RNF34: variants seen among roughly 807,000 people sequenced by gnomAD.
RNF34 encodes the protein E3 ubiquitin-protein ligase RNF34.
RNF34 carries 12 observed loss-of-function variants against 37.9 expected under a neutral mutation model. The observed-to-expected ratio is 0.32, with a 90% CI of 0.20 to 0.51. The LOEUF is 0.51. Among genes scored for constraint, RNF34 ranks in the 20% least tolerant of loss-of-function variants. The pLI, the probability that RNF34 is intolerant of heterozygous loss-of-function variation, is 0.97. For missense variants in RNF34, 362 were observed against 472.7 expected, an observed-to-expected ratio of 0.77 and a Z score of 2.17; for synonymous variants, 155 against 177.2, an observed-to-expected ratio of 0.87 and a Z score of 1.00.
intron 1 of RNF34, among the ~76,000 whole-genome samples, chr12:121,406,512 C>T (rs1870552190): frequency 6.6e-6 from 1 of 152,146 alleles, no homozygotes; most frequent in South Asian, 2.1e-4. Context: ...GTCTCGAACT[C>T]CTGAGCTCAA....
intron 1 of RNF34, 95 bp downstream of exon 1, chr12:121,400,313 C>A: frequency 7.0e-7 from 1 of 1,433,174 alleles, no homozygotes; most frequent in Middle Eastern, 1.8e-4. Context: ...TAGCGGTTAC[C>A]TAGTCGTCAT....
At chr12:121,402,894 C>A in intron 1 of RNF34, 1 of 1,028,642 alleles carries the variant, frequency 9.7e-7, no homozygotes, top group Non-Finnish European at 1.5e-6. Context: ...TTTTAGAGTT[C>A]ATCATCTGTT....
Position 121,423,834 on chromosome 12 carries a change from G to C in RNF34, c.*258G>C, listed in dbSNP as rs1355989416. 2 of 409,798 alleles carry C rather than the reference G, an allele frequency of 4.9e-6. No homozygotes were observed. Among genetic ancestry groups the C allele is most frequent in the African/African-American group, 4.1e-5 (2 of 49,100 alleles). 25.4% of individuals were successfully genotyped at this position (409,798 alleles called of 1,614,324 possible). A position where few individuals can be genotyped will look rare whatever the true frequency, so the allele number is the denominator to read the frequency against. Reference sequence around the variant, plus strand: ...ATCCCGTGAACACTCATTGAAGTCAGCCTGTTTGCGCCATGTGGGCATCAG... The same window carrying C: ...ATCCCGTGAACACTCATTGAAGTCACCCTGTTTGCGCCATGTGGGCATCAG... On this transcript the variant is annotated 3_prime_UTR_variant, in exon 6 of 6. Transcript: ENST00000361234. This position sits in a 1 kb window ranked among gnomAD's most constrained non-coding sequence, Gnocchi z 4.3.
At chr12:121,414,960 G>T (rs1014054483) in intron 1 of RNF34, among the ~76,000 whole-genome samples, 1 of 152,218 alleles carries the variant, frequency 6.6e-6, no homozygotes, top group Admixed American at 6.5e-5. Flanking sequence ...GCTGGGCATG[G>T]TGGCGGATGC....
At chr12:121,400,286 CT>C in intron 1 of RNF34, 68 bp downstream of exon 1, 1 of 1,563,772 alleles carries the variant, frequency 6.4e-7, no homozygotes, top group Non-Finnish European at 8.7e-7. Flanking sequence ...CCTGAAGCGC[CT>C]CCTTTCTTTC....
chr12:121,420,914 A>C, intron 5 of RNF34, 136 bp downstream of exon 5: 1 of 661,062 alleles, frequency 1.5e-6, no homozygotes, highest in Non-Finnish European at 2.6e-6. Flanking sequence ...AGTTAGTTAC[A>C]TGAGCCTGTT....
rs1555282182 is a variant in RNF34, at chr12:121,416,236, G to T, written c.84G>T (p.Gln28His). Residue 28 changes from glutamine (Q) to histidine (H), a missense_variant, in exon 2 of 6, where the codon CAG becomes CAT. Transcript: ENST00000361234. ...EVMGTGAVRG[Q>H]QSAFAGATGP... ...TGGGAACTGGAGCTGTCAGGGGCCA[G>T]CAGTCAGCATTTGCAGGAGCCACCG... 2 of 1,614,132 alleles carry T rather than the reference G, an allele frequency of 1.2e-6. No individual in the cohort carries two copies. Among genetic ancestry groups the T allele is most frequent in the Non-Finnish European group, 1.7e-6 (2 of 1,180,008 alleles).
chr12:121,405,222 GTC>G (rs1870408251), intron 1 of RNF34: 1 of 152,212 alleles, frequency 6.6e-6, no homozygotes, highest in Non-Finnish European at 1.5e-5. Flanking sequence ...AACACTGTCA[GTC>G]TCTGCTATGG....
chr12:121,420,459 T>C, intron 4 of RNF34, 118 bp from the exon 5 acceptor site: 11 of 1,558,970 alleles, frequency 7.1e-6, no homozygotes, highest in Non-Finnish European at 9.6e-6. Flanking sequence ...GACAGTATAC[T>C]GAAACACTTC....
chr12:121,410,947 G>T (rs1252750101), intron 1 of RNF34, among the ~76,000 whole-genome samples: 1 of 152,078 alleles, frequency 6.6e-6, no homozygotes, highest in Non-Finnish European at 1.5e-5. Flanking sequence ...TTTGTTGTTT[G>T]TTTTTGAGAC....
chr12:121,408,726 A>T (rs782178088), intron 1 of RNF34, among the ~76,000 whole-genome samples: 2 of 152,210 alleles, frequency 1.3e-5, no homozygotes, highest in Non-Finnish European at 2.9e-5. Flanking sequence ...GTGAAGAAGG[A>T]CAAAAACACT....
chr12:121,419,285 G>T (rs1453137321), intron 3 of RNF34, among the ~76,000 whole-genome samples: 1 of 152,220 alleles, frequency 6.6e-6, no homozygotes, highest in African/African-American at 2.4e-5. Flanking sequence ...TATAGCCTAG[G>T]TGTGTAGCAG....
chr12:121,400,659 G>A (rs935340854), intron 1 of RNF34, among the ~76,000 whole-genome samples: 1 of 152,236 alleles, frequency 6.6e-6, no homozygotes, highest in Non-Finnish European at 1.5e-5. Context: ...GGGTGCAGGG[G>A]GTGGTGAGGC....
rs782102408 is a variant in RNF34, at chr12:121,400,253, G to A, written c.6+35G>A. 4.4e-6 allele frequency: 7 copies of A among 1,604,792 alleles called. No homozygotes were observed. In the South Asian group the frequency reaches 7.8e-5, roughly 18 times the overall value. On this transcript the variant is annotated intron_variant, in intron 1 of 5. Coordinates refer to ENST00000361234, the MANE Select transcript of RNF34 (RefSeq NM_025126.4). Reference sequence around the variant, plus strand: ...CGGTGGAGCCGGACAGACCCTCCTCGCCAATCCTATCCTGCCAGGGCACCT... The same window carrying A: ...CGGTGGAGCCGGACAGACCCTCCTCACCAATCCTATCCTGCCAGGGCACCT...
At chr12:121,422,798 G>A (rs560190992) in intron 5 of RNF34, among the ~76,000 whole-genome samples, 1 of 152,308 alleles carries the variant, frequency 6.6e-6, no homozygotes, top group South Asian at 2.1e-4. Flanking sequence ...GGTGGGCCAA[G>A]AGCCAGGACG....
At position 121,420,274 on chromosome 12, in the gene RNF34, AGATGATGATGACGACGATGATGAG is replaced by A. The variant is rs782027759; in HGVS notation, c.678_701del (p.Asp227_Asp234del). ...GTGAAATCACTTCAGCAAACACAGA[AGATGATGATGACGACGATGATGAG>A]GATGATGATGATGAAGAAGAAAACG... is the stretch of plus-strand genomic sequence containing the variant. On this transcript the variant is annotated inframe_deletion, in exon 4 of 6. Coordinates refer to ENST00000361234, the MANE Select transcript of RNF34 (RefSeq NM_025126.4). The A allele has an allele frequency of 1.9e-5, 31 of 1,604,258 alleles. No individual in the cohort carries two copies. The highest frequency in any genetic ancestry group is 1.9e-5 in the Non-Finnish European group (22 of 1,173,900).
chr12:121,417,635 G>C lies in RNF34; in HGVS notation c.357G>C (p.Lys119Asn). The change falls in exon 3 of 6, where the codon AAG (lysine) becomes AAC (asparagine). Residue 119 changes from lysine (K) to asparagine (N), a missense_variant. Physicochemically the swap from Lys to Asn is moderately conservative, Grantham distance 94 (BLOSUM62 0). Coordinates refer to ENST00000361234, the MANE Select transcript of RNF34 (RefSeq NM_025126.4). The surrounding 1 kb of genome is among the most constrained non-coding windows in gnomAD (Gnocchi z 5.0). ...AFQRPQLMRL[K>N]VKDLRQYLIL... Reference sequence around the variant, plus strand: ...AGCGCCCTCAGTTAATGCGACTGAAGGTGAAGGACCTGCGGCAGTATCTCA... The same window carrying C: ...AGCGCCCTCAGTTAATGCGACTGAACGTGAAGGACCTGCGGCAGTATCTCA... 6.2e-7 allele frequency: 1 copy of C among 1,614,214 alleles called. No individual in the cohort carries two copies. Among genetic ancestry groups the C allele is most frequent in the Non-Finnish European group, 8.5e-7 (1 of 1,180,038 alleles).
At chr12:121,415,876 A>G (rs1241747553) in intron 1 of RNF34, among the ~76,000 whole-genome samples, 1 of 124,236 alleles carries the variant, frequency 8.0e-6, no homozygotes, top group Non-Finnish European at 1.6e-5. Flanking sequence ...GCCTGTGTAC[A>G]TGTATCTGTT....
chr12:121,410,544 C>G lies in RNF34; in HGVS notation c.7-5615C>G, dbSNP rs555363388. ...AGAGCAAGATTCTGTCTCAAAACCA[C>G]CAAAAAAAAAAAAATGCTGGATGGG... On this transcript the variant is annotated intron_variant, in intron 1 of 5. Transcript: ENST00000361234. Among the ~76,000 whole-genome samples, 3 of 93,102 alleles carry G rather than the reference C, an allele frequency of 3.2e-5. No individual in the cohort carries two copies. The South Asian group carries it at 1.2e-3, about 37-fold the overall frequency. 61.1% of individuals were successfully genotyped at this position (93,102 alleles called of 152,430 possible). A position where few individuals can be genotyped will look rare whatever the true frequency, so the allele number is the denominator to read the frequency against.
Sources: allele counts gnomAD v4.1 joint callset (sites outside exome capture counted in the v4.1 genomes callset), GRCh38; gene constraint gnomAD v4.1.1; non-coding constraint Gnocchi (gnomAD v3.1); transcripts MANE v1.5; gene names NCBI Gene and HGNC (gene_info 2026-07-23, HGNC 2026-07-21).